NTM: variants seen among roughly 807,000 people sequenced by gnomAD.
NTM encodes the protein IgLON family member 2.
A neutral mutation model predicts 42.1 loss-of-function variants in NTM; 13 were observed. The observed-to-expected ratio is 0.31, with a 90% CI of 0.20 to 0.49. NTM has a LOEUF of 0.49. NTM is among the 20% of genes least tolerant of loss of function. The pLI, the probability that NTM is intolerant of heterozygous loss-of-function variation, is 0.99. For synonymous variants in NTM, 187 were observed against 179.2 expected (o/e 1.04, Z -0.35); for missense variants, 373 against 452.8 (o/e 0.82, Z 1.60).
chr11:131,789,911 G>A (rs566605321), intron 1 of NTM, among the ~76,000 whole-genome samples: 578 of 136,412 alleles, frequency 4.2e-3, no homozygotes, highest in African/African-American at 0.011. Context: ...AGCCGAGATC[G>A]CGCCACTGCA....
intron 4 of NTM, among the ~76,000 whole-genome samples, chr11:132,255,320 C>T (rs1393002043): frequency 6.6e-6 from 1 of 152,154 alleles, no homozygotes; most frequent in Non-Finnish European, 1.5e-5. Flanking sequence ...ACTTCTTTCT[C>T]TCCTGACAAT....
At chr11:132,100,902 A>T (rs376099022) in intron 2 of NTM, among the ~76,000 whole-genome samples, 1 of 152,196 alleles carries the variant, frequency 6.6e-6, no homozygotes, top group East Asian at 1.9e-4. Context: ...CTACAGAGGG[A>T]AATTTGACAG....
At chr11:132,288,181 C>T (rs1012349049) in intron 4 of NTM, among the ~76,000 whole-genome samples, 4 of 152,168 alleles carry the variant, frequency 2.6e-5, no homozygotes, top group African/African-American at 7.2e-5. Context: ...CAAGCCACAT[C>T]GTGCAGAATA....
At chr11:132,074,639 C>G (rs2058127883) in intron 2 of NTM, among the ~76,000 whole-genome samples, 1 of 151,964 alleles carries the variant, frequency 6.6e-6, no homozygotes. Flanking sequence ...CATTGCAACA[C>G]TGTTCGCAAC....
chr11:131,613,014 G>A (rs980957758), intron 1 of NTM, among the ~76,000 whole-genome samples: 1 of 152,222 alleles, frequency 6.6e-6, no homozygotes, highest in African/African-American at 2.4e-5. Context: ...GTTCCCTGGG[G>A]CCAGGCACAT....
intron 1 of NTM, among the ~76,000 whole-genome samples, chr11:131,735,223 G>A (rs2080257296): frequency 6.6e-6 from 1 of 152,206 alleles, no homozygotes; most frequent in Non-Finnish European, 1.5e-5. Context: ...TGTTGGCAAA[G>A]CTCCAAGGCA....
At chr11:132,270,765 C>T (rs577979759) in intron 4 of NTM, among the ~76,000 whole-genome samples, 126 of 151,464 alleles carry the variant, frequency 8.3e-4, no homozygotes, top group Middle Eastern at 3.4e-3. Flanking sequence ...CGCTTTACAC[C>T]AAAAATATAT....
intron 1 of NTM, among the ~76,000 whole-genome samples, chr11:131,376,958 G>T (rs1482218546): frequency 6.6e-6 from 1 of 152,132 alleles, no homozygotes; most frequent in Non-Finnish European, 1.5e-5. Context: ...GCAACTAACG[G>T]ATAAGACCAA....
rs528633926 is a variant in NTM at position 132,335,373 on chromosome 11, A to G, written c.*227A>G. ...CCTTGCAGATATTTAGGTACAATGGAGTTTTCTTTTCCCAAACGGGAAGAA... is the reference window on the plus strand; with the variant it reads ...CCTTGCAGATATTTAGGTACAATGGGGTTTTCTTTTCCCAAACGGGAAGAA... On this transcript the variant is annotated 3_prime_UTR_variant, in exon 9 of 9. Coordinates refer to ENST00000683400, the MANE Select transcript of NTM (RefSeq NM_001352005.2). 22 of 523,544 alleles carry G rather than the reference A, an allele frequency of 4.2e-5. No homozygotes were observed. The East Asian group carries it at 7.5e-4, about 18-fold the overall frequency. 32.4% of individuals were successfully genotyped at this position (523,544 alleles called of 1,614,324 possible). A position where few individuals can be genotyped will look rare whatever the true frequency, so the allele number is the denominator to read the frequency against.
intron 1 of NTM, among the ~76,000 whole-genome samples, chr11:131,591,199 C>A (rs573763123): frequency 7.2e-5 from 11 of 152,360 alleles, no homozygotes; most frequent in African/African-American, 2.6e-4. Context: ...TCTCTGCTCG[C>A]TGCTCTCATC....
intron 1 of NTM, among the ~76,000 whole-genome samples, chr11:131,679,716 T>G (rs1425424008): frequency 6.6e-6 from 1 of 151,894 alleles, no homozygotes; most frequent in Non-Finnish European, 1.5e-5. Flanking sequence ...CTGTATCGCT[T>G]GAAACTTCTT....
chr11:132,007,616 G>T (rs2071097903), intron 2 of NTM, among the ~76,000 whole-genome samples: 1 of 152,162 alleles, frequency 6.6e-6, no homozygotes, highest in Non-Finnish European at 1.5e-5. Flanking sequence ...TATCATAAGT[G>T]CATCAGAGAA....
At chr11:131,742,390 C>T (rs2081305334) in intron 1 of NTM, among the ~76,000 whole-genome samples, 1 of 151,980 alleles carries the variant, frequency 6.6e-6, no homozygotes, top group Non-Finnish European at 1.5e-5. Flanking sequence ...ATTTTATGAT[C>T]CTTTGGTTCT....
At chr11:132,162,631 G>A (rs529955233) in intron 3 of NTM, among the ~76,000 whole-genome samples, 18 of 149,652 alleles carry the variant, frequency 1.2e-4, no homozygotes, top group African/African-American at 4.2e-4. Context: ...GTGTGTGTAT[G>A]TGTGTGGGGC....
chr11:132,283,340 A>T (rs537517764), intron 4 of NTM, among the ~76,000 whole-genome samples: 4 of 152,076 alleles, frequency 2.6e-5, no homozygotes, highest in African/African-American at 9.6e-5. Context: ...CAAATTCTTA[A>T]TTTTTTCCAA....
rs1282105025 is a variant in NTM, at chr11:131,770,285, A to G, written c.83-141279A>G. Among the ~76,000 whole-genome samples, 8 of 152,332 alleles carry G rather than the reference A, an allele frequency of 5.3e-5. 1 individual carries two copies. Among genetic ancestry groups the G allele is most frequent in the African/African-American group, 1.9e-4 (8 of 41,572 alleles). On this transcript the variant is annotated intron_variant, in intron 1 of 8. Transcript: ENST00000683400. The stretch of plus-strand genomic sequence containing the variant: ...TTGCTTTCTTCTCCTTTTACAAAAA[A>G]GGTGGAAAACTCAGGGTGTTAATGT...
intron 1 of NTM, chr11:131,777,117 A>T: frequency 2.2e-6 from 2 of 911,550 alleles, no homozygotes; most frequent in Non-Finnish European, 2.6e-6. Flanking sequence ...TGAAGGAAGT[A>T]CTCAGTGTAT....
intron 7 of NTM, among the ~76,000 whole-genome samples, chr11:132,329,362 T>C (rs1319207969): frequency 2.0e-5 from 3 of 152,176 alleles, no homozygotes; most frequent in Non-Finnish European, 4.4e-5. Flanking sequence ...AGAGACTCCA[T>C]AGGTTGTTCT....
chr11:132,191,170 C>T lies in NTM; in HGVS notation c.401-20852C>T, dbSNP rs150510310. 2.2e-3 allele frequency among the ~76,000 whole-genome samples: 338 copies of T among 152,196 alleles called. 2 individuals are homozygous for T. The highest frequency in any genetic ancestry group is 7.7e-3 in the African/African-American group (320 of 41,538). ...TGCCCCTCTGGAATGCTTATGCTTG[C>T]GGCCACCACCCAACGAAGTGCTGTT... On this transcript the variant is annotated intron_variant, in intron 3 of 8. Coordinates refer to ENST00000683400, the MANE Select transcript of NTM (RefSeq NM_001352005.2).
Sources: allele counts gnomAD v4.1 joint callset (sites outside exome capture counted in the v4.1 genomes callset), GRCh38; gene constraint gnomAD v4.1.1; transcripts MANE v1.5; gene names NCBI Gene and HGNC (gene_info 2026-07-23, HGNC 2026-07-21).